Variants in PLA2G4A observed in about 807,000 individuals in gnomAD.
PLA2G4A encodes cytosolic phospholipase A2.
In PLA2G4A, 40 loss-of-function variants were observed where a neutral mutation model predicts 81.9. The ratio of observed to expected loss-of-function variants is 0.49; its 90% CI spans 0.38 to 0.64. The LOEUF (loss-of-function observed/expected upper bound fraction) is 0.64, where lower values mean the gene tolerates loss of function less well. PLA2G4A is among the 30% of genes least tolerant of loss of function. The pLI is 0.00. For missense variants in PLA2G4A, 715 were observed against 905.1 expected, an observed-to-expected ratio of 0.79 and a Z score of 2.69; for synonymous variants, 302 against 296.9, an observed-to-expected ratio of 1.02 and a Z score of -0.18.
intron 13 of PLA2G4A, among the ~76,000 whole-genome samples, chr1:186,952,398 T>A (rs1193664070): frequency 6.6e-6 from 1 of 152,162 alleles, no homozygotes; most frequent in Non-Finnish European, 1.5e-5. Context: ...TTTTCTCTTT[T>A]ACATAGAGTT....
chr1:186,863,155 G>A (rs1341830046), intron 2 of PLA2G4A, among the ~76,000 whole-genome samples: 2 of 152,022 alleles, frequency 1.3e-5, no homozygotes, highest in South Asian at 2.1e-4. Flanking sequence ...GGCTGGCCTC[G>A]AACTCCTGGG....
At chr1:186,870,328 T>C (rs1571350721) in intron 2 of PLA2G4A, 107 bp from the exon 3 acceptor site, 1 of 724,990 alleles carries the variant, frequency 1.4e-6, no homozygotes, top group Middle Eastern at 3.1e-4. Flanking sequence ...ATGTTTCTGG[T>C]ATGCATGCTA....
intron 3 of PLA2G4A, among the ~76,000 whole-genome samples, chr1:186,880,927 T>C (rs1653707727): frequency 6.6e-6 from 1 of 151,988 alleles, no homozygotes; most frequent in Admixed American, 6.6e-5. Context: ...AATTCTGTTT[T>C]AGATCTACAT....
chr1:186,925,535 C>T (rs1170192783), intron 7 of PLA2G4A, among the ~76,000 whole-genome samples: 1 of 152,110 alleles, frequency 6.6e-6, no homozygotes, highest in Non-Finnish European at 1.5e-5. Context: ...AATCTTTCCC[C>T]GGTTGGAGGT....
chr1:186,901,112 A>G (rs1654522399), intron 5 of PLA2G4A, among the ~76,000 whole-genome samples: 1 of 152,218 alleles, frequency 6.6e-6, no homozygotes, highest in Non-Finnish European at 1.5e-5. Flanking sequence ...AGTTATTGAG[A>G]CAAAGTGGAG....
intron 3 of PLA2G4A, among the ~76,000 whole-genome samples, chr1:186,889,441 G>T (rs1288550746): frequency 2.0e-5 from 3 of 152,128 alleles, no homozygotes; most frequent in Non-Finnish European, 4.4e-5. Context: ...TCTCACTTTT[G>T]CCCCACTGCT....
chr1:186,973,373 G>T (rs1657422675), intron 15 of PLA2G4A, among the ~76,000 whole-genome samples: 1 of 152,024 alleles, frequency 6.6e-6, no homozygotes, highest in Non-Finnish European at 1.5e-5. Context: ...TCTCATATAA[G>T]AATAATTGTC....
At chr1:186,988,287 A>T (rs1325454166) in intron 17 of PLA2G4A, 90 bp from the exon 18 acceptor site, 14 of 1,007,428 alleles carry the variant, frequency 1.4e-5, no homozygotes, top group Admixed American at 1.1e-4. Context: ...ATACTCTAAT[A>T]AAAAGATTCA....
intron 2 of PLA2G4A, among the ~76,000 whole-genome samples, chr1:186,864,674 T>TATTTC (rs1652950233): frequency 2.0e-5 from 3 of 151,190 alleles, no homozygotes; most frequent in Admixed American, 2.0e-4. Context: ...ATTATTATTT[T>TATTTC]GTTATTGAGT....
chr1:186,926,291 G>A (rs1266999812), intron 7 of PLA2G4A, among the ~76,000 whole-genome samples: 2 of 152,220 alleles, frequency 1.3e-5, no homozygotes, highest in African/African-American at 4.8e-5. Flanking sequence ...GCAACAGATG[G>A]GGAATGAGGT....
intron 14 of PLA2G4A, among the ~76,000 whole-genome samples, chr1:186,959,431 A>G (rs1571444259): frequency 6.6e-6 from 1 of 152,184 alleles, no homozygotes; most frequent in Non-Finnish European, 1.5e-5. Context: ...ATTTTAAATT[A>G]ATGACGTTTG....
chr1:186,861,401 T>G (rs2102041539), intron 2 of PLA2G4A, among the ~76,000 whole-genome samples: 1 of 152,278 alleles, frequency 6.6e-6, no homozygotes, highest in Non-Finnish European at 1.5e-5. Flanking sequence ...CCTCTCTGGG[T>G]TTTTGTGCTC....
chr1:186,905,457 G>A, intron 5 of PLA2G4A, among the ~76,000 whole-genome samples: 1 of 151,534 alleles, frequency 6.6e-6, no homozygotes, highest in South Asian at 2.1e-4. Flanking sequence ...TGCATTGTCT[G>A]TTTGGTAGCC....
intron 1 of PLA2G4A, among the ~76,000 whole-genome samples, chr1:186,832,057 A>C (rs1651611491): frequency 6.6e-6 from 1 of 152,104 alleles, no homozygotes; most frequent in Non-Finnish European, 1.5e-5. Flanking sequence ...TCCATGAGCA[A>C]AAGAGTATGG....
At chr1:186,929,716 T>A (rs1158931007) in intron 7 of PLA2G4A, among the ~76,000 whole-genome samples, 1 of 152,150 alleles carries the variant, frequency 6.6e-6, no homozygotes. Context: ...TTTCTAGCTT[T>A]GTGACATTGG....
chr1:186,907,226 C>G (rs915665350), intron 6 of PLA2G4A, among the ~76,000 whole-genome samples: 3 of 151,932 alleles, frequency 2.0e-5, no homozygotes, highest in Non-Finnish European at 4.4e-5. Context: ...GCTTATTTTT[C>G]CAATAGTTTC....
intron 3 of PLA2G4A, among the ~76,000 whole-genome samples, chr1:186,873,668 A>G (rs1345597542): frequency 6.6e-6 from 1 of 152,118 alleles, no homozygotes; most frequent in Non-Finnish European, 1.5e-5. Context: ...CCTTTGATAA[A>G]TCATGCTACC....
At chr1:186,836,801 A>T (rs1301435809) in intron 1 of PLA2G4A, among the ~76,000 whole-genome samples, 1 of 152,248 alleles carries the variant, frequency 6.6e-6, no homozygotes, top group Non-Finnish European at 1.5e-5. Flanking sequence ...ATTCCGTCTT[A>T]GTGGAGACAG....
intron 3 of PLA2G4A, among the ~76,000 whole-genome samples, chr1:186,873,029 G>A (rs1240431860): frequency 1.3e-5 from 2 of 151,936 alleles, no homozygotes; most frequent in Non-Finnish European, 2.9e-5. Flanking sequence ...TGTGTGTGTG[G>A]GGAGGGAGTT....
Sources: allele counts gnomAD v4.1 joint callset (sites outside exome capture counted in the v4.1 genomes callset), GRCh38; gene constraint gnomAD v4.1.1; transcripts MANE v1.5; gene names NCBI Gene and HGNC (gene_info 2026-07-23, HGNC 2026-07-21).